The following PACRG variants were observed in gnomAD, a reference collection of about 807,000 sequenced individuals.
PACRG encodes the protein parkin coregulated gene protein.
A neutral mutation model predicts 29.7 loss-of-function variants in PACRG; 29 were observed. That is an observed-to-expected ratio of 0.98 (90% CI 0.73 to 1.33). The LOEUF is 1.33. PACRG is among the 40% of genes most tolerant of loss of function. PACRG has a pLI of 0.00. For synonymous variants in PACRG, 116 were observed against 118.7 expected, an observed-to-expected ratio of 0.98 and a Z score of 0.15; for missense variants, 279 against 316.2, an observed-to-expected ratio of 0.88 and a Z score of 0.89.
intron 4 of PACRG, among the ~76,000 whole-genome samples, chr6:163,135,850 G>A (rs1185647086): frequency 6.6e-6 from 1 of 152,202 alleles, no homozygotes; most frequent in Non-Finnish European, 1.5e-5. Context: ...AGTGCAAGAT[G>A]TATCTTTAAA....
At chr6:163,083,218 C>T (rs2128293639) in intron 3 of PACRG, among the ~76,000 whole-genome samples, 1 of 152,310 alleles carries the variant, frequency 6.6e-6, no homozygotes, top group African/African-American at 2.4e-5. Context: ...TAGGGCAAAC[C>T]TGCCTCCCAT....
chr6:163,123,377 A>G (rs1228936570), intron 4 of PACRG, among the ~76,000 whole-genome samples: 2 of 152,230 alleles, frequency 1.3e-5, no homozygotes, highest in Non-Finnish European at 2.9e-5. Flanking sequence ...TGGCATTTAC[A>G]TATCAATGTT....
intron 2 of PACRG, among the ~76,000 whole-genome samples, chr6:162,930,936 T>C (rs1187197135): frequency 1.3e-5 from 2 of 151,902 alleles, no homozygotes; most frequent in Admixed American, 1.3e-4. Flanking sequence ...CACTTGATCA[T>C]GGTGTATTAT....
intron 4 of PACRG, among the ~76,000 whole-genome samples, chr6:163,301,871 T>C (rs974704922): frequency 1.3e-5 from 2 of 152,204 alleles, no homozygotes; most frequent in Admixed American, 1.3e-4. Context: ...AGATGGATAT[T>C]ATTTCCCCTG....
At position 163,119,572 on chromosome 6, in the gene PACRG, G is replaced by A. The variant is rs142152554; in HGVS notation, c.613+30164G>A. ...AGTTGCTCAGCTACACCCATCTCGG[G>A]ATGATGGAGACTCCAAGTGTTACGT... On this transcript the variant is annotated intron_variant, in intron 4 of 4. Transcript: ENST00000366888. 2.6e-3 allele frequency among the ~76,000 whole-genome samples: 391 copies of A among 152,274 alleles called. 1 individual carries two copies. Among genetic ancestry groups the A allele is most frequent in the African/African-American group, 8.9e-3 (368 of 41,552 alleles).
intron 2 of PACRG, among the ~76,000 whole-genome samples, chr6:162,865,922 A>G (rs568099005): frequency 6.6e-6 from 1 of 152,332 alleles, no homozygotes; most frequent in South Asian, 2.1e-4. Flanking sequence ...AAGTTTTCAT[A>G]TTACAAACCT....
chr6:162,958,867 A>G (rs1282289431), intron 2 of PACRG, among the ~76,000 whole-genome samples: 1 of 70,072 alleles, frequency 1.4e-5, no homozygotes, highest in African/African-American at 5.8e-5. Flanking sequence ...ATATATATAT[A>G]TATATATATA....
intron 4 of PACRG, among the ~76,000 whole-genome samples, chr6:163,118,716 G>A (rs1428082215): frequency 6.6e-6 from 1 of 152,096 alleles, no homozygotes; most frequent in African/African-American, 2.4e-5. Context: ...GTTTCTAACT[G>A]GTTTGACTTA....
At chr6:163,229,824 G>A (rs1293653755) in intron 4 of PACRG, among the ~76,000 whole-genome samples, 6 of 152,150 alleles carry the variant, frequency 3.9e-5, no homozygotes, top group East Asian at 1.9e-4. Context: ...TTCCTTTAGC[G>A]GCAGTTGTCA....
chr6:162,796,868 AG>A (rs1473881950), intron 1 of PACRG, among the ~76,000 whole-genome samples: 1 of 152,236 alleles, frequency 6.6e-6, no homozygotes, highest in African/African-American at 2.4e-5. Flanking sequence ...TGCTTGACAC[AG>A]TCCTTTCAAA....
chr6:163,077,084 T>A (rs757835451), intron 3 of PACRG, among the ~76,000 whole-genome samples: 1 of 152,248 alleles, frequency 6.6e-6, no homozygotes, highest in Non-Finnish European at 1.5e-5. Context: ...GGCCTGCCAC[T>A]GTACTATATA....
chr6:163,235,929 A>ATGT (rs1782218009), intron 4 of PACRG, among the ~76,000 whole-genome samples: 1 of 117,080 alleles, frequency 8.5e-6, no homozygotes, highest in African/African-American at 3.9e-5. Context: ...GAAAGGAAAA[A>ATGT]AGTTGTTTTT....
intron 2 of PACRG, among the ~76,000 whole-genome samples, chr6:162,907,882 C>A (rs1000692949): frequency 2.0e-5 from 3 of 151,992 alleles, no homozygotes; most frequent in African/African-American, 7.2e-5. Flanking sequence ...ATCTTAAGGA[C>A]CAGACTTATG....
At chr6:162,818,786 G>A (rs549272881) in intron 2 of PACRG, among the ~76,000 whole-genome samples, 1 of 152,092 alleles carries the variant, frequency 6.6e-6, no homozygotes, top group East Asian at 1.9e-4. Flanking sequence ...GCACTAAGAC[G>A]GTCTTGTTTT....
intron 1 of PACRG, among the ~76,000 whole-genome samples, chr6:162,753,533 A>T (rs1781674750): frequency 6.6e-6 from 1 of 152,038 alleles, no homozygotes; most frequent in Admixed American, 6.6e-5. Flanking sequence ...CCATGTCTTG[A>T]CTATTGTGAA....
intron 2 of PACRG, among the ~76,000 whole-genome samples, chr6:163,058,032 G>A (rs549880859): frequency 4.6e-5 from 7 of 152,106 alleles, no homozygotes; most frequent in South Asian, 2.1e-4. Context: ...CTGAACTTAT[G>A]CAAATAAATA....
chr6:162,837,890 A>G (rs930662067), intron 2 of PACRG, among the ~76,000 whole-genome samples: 2 of 152,186 alleles, frequency 1.3e-5, no homozygotes, highest in African/African-American at 2.4e-5. Flanking sequence ...TCCTGTTGCC[A>G]TATATTTAAA....
At chr6:162,977,035 T>C (rs534377243) in intron 2 of PACRG, among the ~76,000 whole-genome samples, 1 of 152,126 alleles carries the variant, frequency 6.6e-6, no homozygotes, top group African/African-American at 2.4e-5. Flanking sequence ...CTTGCAGGAC[T>C]TGAGTAAATG....
intron 2 of PACRG, among the ~76,000 whole-genome samples, chr6:162,973,791 C>T (rs73023162): frequency 0.07 from 10,635 of 152,082 alleles, 499 homozygotes; most frequent in Middle Eastern, 0.13. Context: ...TGCGTGCGCA[C>T]GCTATTACAG....
Sources: gnomAD v4.1 joint callset for allele counts (sites outside exome capture counted in the v4.1 genomes callset) on GRCh38, gnomAD v4.1.1 for gene constraint, MANE v1.5 for transcripts, NCBI Gene and HGNC (gene_info 2026-07-23, HGNC 2026-07-21) for gene names.